SP4: variants seen among roughly 807,000 people sequenced by gnomAD.
SP4 encodes Sp4 transcription factor.
In SP4, 19 loss-of-function variants were observed where a neutral mutation model predicts 72.8. The observed-to-expected ratio is 0.26, with a 90% CI of 0.18 to 0.38. The LOEUF (loss-of-function observed/expected upper bound fraction) is 0.38, where lower values mean the gene tolerates loss of function less well. SP4 is among the 10% of genes least tolerant of loss of function. The pLI is 1.00. For missense variants in SP4, 1,008 were observed against 926.3 expected, an observed-to-expected ratio of 1.09 and a Z score of -1.14; for synonymous variants, 395 against 333.1, an observed-to-expected ratio of 1.19 and a Z score of -2.02.
Position 21,428,558 on chromosome 7 carries a change from C to T in SP4, c.8-119C>T, listed in dbSNP as rs556470458. On this transcript the variant is annotated intron_variant, in intron 1 of 5. Coordinates refer to ENST00000222584, the MANE Select transcript of SP4 (RefSeq NM_003112.5). ...CCACCCCCTGCCGGTGTGCGTGGAT[C>T]GCGGGTTTATGGAGATTAATGTTCG... 7 of 1,049,026 alleles carry T rather than the reference C, an allele frequency of 6.7e-6. No homozygotes were observed. In the African/African-American group the frequency reaches 9.6e-5, roughly 14 times the overall value. The allele number at this position is 1,049,026 out of a possible 1,614,324, so 65.0% of individuals were successfully genotyped here. A position where few individuals can be genotyped will look rare whatever the true frequency, so the allele number is the denominator to read the frequency against.
At chr7:21,455,128 TG>T (rs1159441304) in intron 3 of SP4, among the ~76,000 whole-genome samples, 4 of 152,012 alleles carry the variant, frequency 2.6e-5, no homozygotes, top group Admixed American at 2.6e-4. Flanking sequence ...GTCTTGGGGG[TG>T]GGGGCGTGCT....
In SP4 at chr7:21,434,630, TA is replaced by T. The variant is rs147423005; in HGVS notation, c.1678+3788del. ...CTTTTACTTTTAAAAAAAATAGATTTAGGGGGTACAAGTGCGGTTGTGTTAC... is the reference window on the plus strand; with the variant it reads ...CTTTTACTTTTAAAAAAAATAGATTTGGGGGTACAAGTGCGGTTGTGTTAC... On this transcript the variant is annotated intron_variant, in intron 3 of 5. Transcript: ENST00000222584. Among the ~76,000 whole-genome samples, 754 of 152,284 alleles carry T rather than the reference TA, an allele frequency of 5.0e-3. 4 individuals are homozygous for T. The highest frequency in any genetic ancestry group is 8.5e-3 in the Non-Finnish European group (577 of 68,020).
intron 5 of SP4, among the ~76,000 whole-genome samples, chr7:21,504,553 C>G (rs899468054): frequency 6.6e-6 from 1 of 152,094 alleles, no homozygotes; most frequent in African/African-American, 2.4e-5. Context: ...GTGGAGCTTC[C>G]CTAAGGTTTG....
At chr7:21,506,207 T>C (rs1032921396) in intron 5 of SP4, among the ~76,000 whole-genome samples, 7 of 152,156 alleles carry the variant, frequency 4.6e-5, no homozygotes, top group African/African-American at 1.2e-4. Context: ...AATTTTTCCT[T>C]AGAGAGTTCT....
chr7:21,457,681 C>T lies in SP4; in HGVS notation c.1679-19398C>T, dbSNP rs556533156. The stretch of plus-strand genomic sequence containing the variant: ...TTGAGTTTTTCAAAGAAACCAACAA[C>T]ATAGCAATATAAAATAATAATTAAA... On this transcript the variant is annotated intron_variant, in intron 3 of 5. Transcript: ENST00000222584. 7.2e-5 allele frequency among the ~76,000 whole-genome samples: 11 copies of T among 152,148 alleles called. 1 individual carries two copies. The East Asian group carries it at 2.1e-3, about 29-fold the overall frequency.
At chr7:21,428,941 C>A in intron 2 of SP4, 149 bp downstream of exon 2, 1 of 676,968 alleles carries the variant, frequency 1.5e-6, no homozygotes, top group Non-Finnish European at 2.5e-6. Flanking sequence ...GTAAATTCAT[C>A]AAGTTTTCAC....
At chr7:21,485,914 G>T (rs1784801399) in intron 5 of SP4, among the ~76,000 whole-genome samples, 1 of 151,846 alleles carries the variant, frequency 6.6e-6, no homozygotes, top group African/African-American at 2.4e-5. Flanking sequence ...GTTCGTTTTA[G>T]ATCTCATATT....
chr7:21,498,414 C>T (rs1309916851), intron 5 of SP4, among the ~76,000 whole-genome samples: 1 of 152,036 alleles, frequency 6.6e-6, no homozygotes, highest in Non-Finnish European at 1.5e-5. Flanking sequence ...TACTTTTACC[C>T]CCAGGTAAAT....
chr7:21,430,205 A>T lies in SP4; in HGVS notation c.1040A>T (p.Tyr347Phe), dbSNP rs557409261. ...GTGAGCTCAGCAGATACTGGCCAGTATGCAAGCACATCAGCCAGTAGTTCT... is the reference window on the plus strand; with the variant it reads ...GTGAGCTCAGCAGATACTGGCCAGTTTGCAAGCACATCAGCCAGTAGTTCT... ...TLVSSADTGQYASTSASSSER... is the reference protein window; with the variant it reads ...TLVSSADTGQFASTSASSSER... The change falls in exon 3 of 6, where the codon TAT (tyrosine) becomes TTT (phenylalanine). Residue 347 changes from tyrosine (Y) to phenylalanine (F), a missense_variant. Tyr to Phe is a conservative substitution (Grantham distance 22, BLOSUM62 3). Coordinates refer to ENST00000222584, the MANE Select transcript of SP4 (RefSeq NM_003112.5). 6.8e-6 allele frequency: 11 copies of T among 1,614,230 alleles called. No individual in the cohort carries two copies. In the South Asian group the frequency reaches 1.2e-4, roughly 18 times the overall value.
chr7:21,502,146 T>A (rs1019018223), intron 5 of SP4, among the ~76,000 whole-genome samples: 1 of 151,004 alleles, frequency 6.6e-6, no homozygotes, highest in Admixed American at 6.6e-5. Context: ...GGGTATCTTA[T>A]GGAATACCAG....
Position 21,428,176 on chromosome 7 carries a change from T to TCCACCC in SP4, c.-74_-73insACCCCC. 2.8e-6 allele frequency: 2 copies of TCCACCC among 718,778 alleles called. No individual in the cohort carries two copies. Among genetic ancestry groups the TCCACCC allele is most frequent in the Non-Finnish European group, 2.5e-6 (1 of 396,142 alleles). 44.5% of individuals were successfully genotyped at this position (718,778 alleles called of 1,614,324 possible). A position where few individuals can be genotyped will look rare whatever the true frequency, so the allele number is the denominator to read the frequency against. ...ACCGCGGGCGGGCGGGACCGGCCTC[T>TCCACCC]CCTCCCGCCTCGCCCCCACCCCCAC... On this transcript the variant is annotated 5_prime_UTR_variant, in exon 1 of 6. Coordinates refer to ENST00000222584, the MANE Select transcript of SP4 (RefSeq NM_003112.5).
At chr7:21,504,913 A>C (rs1781956135) in intron 5 of SP4, among the ~76,000 whole-genome samples, 1 of 152,188 alleles carries the variant, frequency 6.6e-6, no homozygotes. Context: ...CAAAAGCAAC[A>C]GATTCCCTCT....
At position 21,513,181 on chromosome 7, in the gene SP4, C is replaced by T. The variant is rs1401007918; in HGVS notation, c.*1912C>T. 2 of 152,490 alleles carry T rather than the reference C, an allele frequency of 1.3e-5. No homozygotes were observed. Among genetic ancestry groups the T allele is most frequent in the East Asian group, 3.9e-4 (2 of 5,184 alleles). The allele number at this position is 152,490 out of a possible 1,614,324, so 9.4% of individuals were successfully genotyped here. On this transcript the variant is annotated 3_prime_UTR_variant, in exon 6 of 6. Transcript: ENST00000222584. ...TTGTATTTTTGATGAAGGAGAAATA[C>T]TGTAATGATCACTGTTTACACTATG...
Position 21,439,615 on chromosome 7 carries a change from G to C in SP4, c.1678+8772G>C, listed in dbSNP as rs1273703905. ...GTTTTTTGAAAATGTTTGAGGCCAA[G>C]TGCAATGGCTCATCCTGGAATCTCA... On this transcript the variant is annotated intron_variant, in intron 3 of 5. Coordinates refer to ENST00000222584, the MANE Select transcript of SP4 (RefSeq NM_003112.5). 3.3e-5 allele frequency among the ~76,000 whole-genome samples: 5 copies of C among 151,892 alleles called. No individual in the cohort carries two copies. In the East Asian group the frequency reaches 9.7e-4, roughly 29 times the overall value.
intron 3 of SP4, among the ~76,000 whole-genome samples, chr7:21,433,173 A>G (rs747921576): frequency 5.3e-5 from 8 of 152,160 alleles, no homozygotes; most frequent in Non-Finnish European, 1.2e-4. Flanking sequence ...TGAGATGGCT[A>G]CTGTATGCTG....
chr7:21,481,781 C>A, intron 4 of SP4, 143 bp from the exon 5 acceptor site: 1 of 638,370 alleles, frequency 1.6e-6, no homozygotes, highest in Non-Finnish European at 2.7e-6. Flanking sequence ...TGAAAATTTT[C>A]TGATTTGAAC....
intron 3 of SP4, among the ~76,000 whole-genome samples, chr7:21,466,520 C>A (rs1358313277): frequency 6.6e-6 from 1 of 152,070 alleles, no homozygotes. Flanking sequence ...TCTGCTTGAC[C>A]CAAAAGTTCT....
intron 5 of SP4, among the ~76,000 whole-genome samples, chr7:21,504,715 T>G (rs1285049674): frequency 6.6e-6 from 1 of 152,206 alleles, no homozygotes; most frequent in Non-Finnish European, 1.5e-5. Flanking sequence ...TGGCTTCATA[T>G]TTTATGAAGA....
chr7:21,428,229 A>T lies in SP4; in HGVS notation c.-23A>T, dbSNP rs762579395. ...ACCTCTATCCCAGTGTCTCCGTCTG[A>T]GGGTTTGTCCTGTTAATGCGGGATG... On this transcript the variant is annotated 5_prime_UTR_variant, in exon 1 of 6. Transcript: ENST00000222584. The T allele has an allele frequency of 4.3e-6, 5 of 1,155,256 alleles. No individual in the cohort carries two copies. In the African/African-American group the frequency reaches 7.5e-5, roughly 17 times the overall value. 71.6% of individuals were successfully genotyped at this position (1,155,256 alleles called of 1,614,324 possible).
Sources: gnomAD v4.1 joint callset for allele counts (sites outside exome capture counted in the v4.1 genomes callset) on GRCh38, gnomAD v4.1.1 for gene constraint, MANE v1.5 for transcripts, NCBI Gene and HGNC (gene_info 2026-07-23, HGNC 2026-07-21) for gene names.